The following ATF1 variants were observed in gnomAD, a reference collection of about 807,000 sequenced individuals.
ATF1 encodes the protein cyclic AMP-dependent transcription factor ATF-1.
Under a neutral mutation model 34.7 loss-of-function variants are expected in ATF1, and 16 were observed. The observed-to-expected ratio is 0.46, with a 90% CI of 0.31 to 0.70. The LOEUF (loss-of-function observed/expected upper bound fraction) is 0.70, where lower values mean the gene tolerates loss of function less well. Among genes scored for constraint, ATF1 ranks in the 30% least tolerant of loss-of-function variants. The pLI is 0.05. For synonymous variants in ATF1, 105 were observed against 113.1 expected (o/e 0.93, Z 0.46); for missense variants, 255 against 321.6 (o/e 0.79, Z 1.58).
At chr12:50,788,143 G>A in intron 2 of ATF1, 1 of 435,002 alleles carries the variant, frequency 2.3e-6, no homozygotes, top group Admixed American at 2.5e-5. Flanking sequence ...TGGCTGATAG[G>A]TCAAATAAGA....
chr12:50,811,853 A>G (rs934297022), intron 4 of ATF1, among the ~76,000 whole-genome samples: 1 of 152,198 alleles, frequency 6.6e-6, no homozygotes, highest in Admixed American at 6.5e-5. Flanking sequence ...GCTTGGGAGC[A>G]GAGATCAGAG....
intron 6 of ATF1, among the ~76,000 whole-genome samples, chr12:50,817,796 C>G (rs1254255231): frequency 6.6e-6 from 1 of 152,122 alleles, no homozygotes; most frequent in Non-Finnish European, 1.5e-5. Flanking sequence ...CAGAAGGAAA[C>G]CGGTCTGTGA....
At chr12:50,798,916 G>GTATA (rs1941463123) in intron 3 of ATF1, among the ~76,000 whole-genome samples, 1 of 152,186 alleles carries the variant, frequency 6.6e-6, no homozygotes, top group Non-Finnish European at 1.5e-5. Context: ...ACTTAACTAT[G>GTATA]TATAGGACAG....
At position 50,819,626 on chromosome 12, in the gene ATF1, C is replaced by G. The variant is rs760231345; in HGVS notation, c.672-9C>G. 1 of 1,607,684 alleles carries G rather than the reference C, an allele frequency of 6.2e-7. No individual in the cohort carries two copies. The highest frequency in any genetic ancestry group is 8.5e-7 in the Non-Finnish European group (1 of 1,178,338). ...TTTCTAACATTGTTTTTTTAATGCT[C>G]ATATTTAGAGAAGCTGCTCGAGAAT... On this transcript the variant is annotated splice_polypyrimidine_tract_variant and intron_variant, in intron 6 of 6. Coordinates refer to ENST00000262053, the MANE Select transcript of ATF1 (RefSeq NM_005171.5).
chr12:50,776,332 AT>A (rs1349503753), intron 1 of ATF1, among the ~76,000 whole-genome samples: 7 of 146,520 alleles, frequency 4.8e-5, no homozygotes, highest in South Asian at 2.2e-4. Context: ...GAAAAAAAAA[AT>A]TTTTTTTTAA....
intron 1 of ATF1, among the ~76,000 whole-genome samples, chr12:50,768,842 GTTTC>G (rs1366963939): frequency 6.6e-6 from 1 of 152,148 alleles, no homozygotes; most frequent in East Asian, 1.9e-4. Context: ...GTCATAAACT[GTTTC>G]TTTGACTTTT....
At chr12:50,774,952 C>T (rs1940877474) in intron 1 of ATF1, among the ~76,000 whole-genome samples, 1 of 151,842 alleles carries the variant, frequency 6.6e-6, no homozygotes, top group Non-Finnish European at 1.5e-5. Flanking sequence ...TTTCACCATT[C>T]ACAGAATGGT....
chr12:50,781,987 T>C (rs1366928392), intron 2 of ATF1, among the ~76,000 whole-genome samples: 6 of 151,808 alleles, frequency 4.0e-5, no homozygotes, highest in African/African-American at 1.5e-4. Context: ...TAACGGATTT[T>C]AATGTTAACA....
chr12:50,784,433 A>G (rs1941139927), intron 2 of ATF1, among the ~76,000 whole-genome samples: 1 of 152,188 alleles, frequency 6.6e-6, no homozygotes, highest in Non-Finnish European at 1.5e-5. Flanking sequence ...TACTTGTTCA[A>G]TTATATGGAC....
At chr12:50,779,700 C>G (rs975349091) in intron 1 of ATF1, among the ~76,000 whole-genome samples, 1 of 152,094 alleles carries the variant, frequency 6.6e-6, no homozygotes, top group South Asian at 2.1e-4. Context: ...CCTACATATC[C>G]TGAAGTTGAT....
At chr12:50,805,280 G>T (rs935184847) in intron 3 of ATF1, among the ~76,000 whole-genome samples, 2 of 151,954 alleles carry the variant, frequency 1.3e-5, no homozygotes, top group Admixed American at 6.6e-5. Context: ...GGAAGGCTAG[G>T]CACGGTGGCT....
intron 2 of ATF1, among the ~76,000 whole-genome samples, chr12:50,788,494 T>C (rs946319629): frequency 6.6e-6 from 1 of 151,986 alleles, no homozygotes; most frequent in African/African-American, 2.4e-5. Flanking sequence ...CCCTGTTTTT[T>C]TTTTTTTGGA....
intron 2 of ATF1, among the ~76,000 whole-genome samples, chr12:50,790,661 A>G (rs1263269629): frequency 6.6e-6 from 1 of 152,064 alleles, no homozygotes; most frequent in African/African-American, 2.4e-5. Flanking sequence ...AAACAGATGG[A>G]AAGCTTTTTA....
chr12:50,765,767 G>A (rs902486978), intron 1 of ATF1, among the ~76,000 whole-genome samples: 6 of 152,106 alleles, frequency 3.9e-5, no homozygotes, highest in Admixed American at 3.3e-4. Context: ...AGTGACCCCT[G>A]GTCATCCTCA....
At chr12:50,764,836 C>T (rs1205790768) in intron 1 of ATF1, among the ~76,000 whole-genome samples, 2 of 152,258 alleles carry the variant, frequency 1.3e-5, no homozygotes, top group African/African-American at 4.8e-5. Flanking sequence ...GACGCACGGG[C>T]ATTGCGCACG....
At position 50,807,485 on chromosome 12, in the gene ATF1, C is replaced by CT. The variant is rs1941638705; in HGVS notation, c.195-1970dup. 2.6e-5 allele frequency among the ~76,000 whole-genome samples: 4 copies of CT among 152,194 alleles called. No individual in the cohort carries two copies. In the South Asian group the frequency reaches 8.3e-4, roughly 32 times the overall value. ...TTTTGGACCCAAAGAAGGAAAGGCTCTAACTATTCAATAATAGAATGGTTT... is the reference window on the plus strand; with the variant it reads ...TTTTGGACCCAAAGAAGGAAAGGCTCTTAACTATTCAATAATAGAATGGTTT... On this transcript the variant is annotated intron_variant, in intron 3 of 6. Coordinates refer to ENST00000262053, the MANE Select transcript of ATF1 (RefSeq NM_005171.5).
At chr12:50,808,374 C>T (rs902783892) in intron 3 of ATF1, among the ~76,000 whole-genome samples, 41 of 151,968 alleles carry the variant, frequency 2.7e-4, no homozygotes, top group Non-Finnish European at 5.9e-5. Flanking sequence ...GTCGCCCAGG[C>T]TGGGGGTACA....
chr12:50,810,959 T>C (rs898542686), intron 4 of ATF1, among the ~76,000 whole-genome samples: 3 of 152,116 alleles, frequency 2.0e-5, no homozygotes, highest in Admixed American at 2.0e-4. Flanking sequence ...TTATCACACT[T>C]AGAATAAAAT....
intron 3 of ATF1, among the ~76,000 whole-genome samples, chr12:50,801,240 A>G (rs1941505651): frequency 6.6e-6 from 1 of 152,246 alleles, no homozygotes; most frequent in African/African-American, 2.4e-5. Flanking sequence ...AGGTTTCTAC[A>G]TTCCACCTGA....
Sources: allele counts gnomAD v4.1 joint callset (sites outside exome capture counted in the v4.1 genomes callset), GRCh38; gene constraint gnomAD v4.1.1; transcripts MANE v1.5; gene names NCBI Gene and HGNC (gene_info 2026-07-23, HGNC 2026-07-21).